The following DMC1 variants were observed in gnomAD, a reference collection of about 807,000 sequenced individuals.
The protein encoded by DMC1 is meiotic recombination protein DMC1 homolog.
Under a neutral mutation model 50.1 loss-of-function variants are expected in DMC1, and 27 were observed. That is an observed-to-expected ratio of 0.54 (90% CI 0.40 to 0.74). DMC1 has a LOEUF of 0.74. Among genes scored for constraint, DMC1 ranks in the 30% least tolerant of loss-of-function variants. The probability of loss-of-function intolerance (pLI) is 0.00; values close to 1 mark genes in which losing one functional copy is unlikely to be tolerated. For synonymous variants in DMC1, 148 were observed against 136.1 expected (o/e 1.09, Z -0.61); for missense variants, 295 against 420.2 (o/e 0.70, Z 2.60).
rs776256433 is a variant in DMC1, at chr22:38,552,711, T to C, written c.380-4A>G. 2.5e-6 allele frequency: 4 copies of C among 1,577,416 alleles called. No homozygotes were observed. In the East Asian group the frequency reaches 6.7e-5, roughly 26 times the overall value. On this transcript the variant is annotated splice_polypyrimidine_tract_variant and splice_region_variant and intron_variant, in intron 6 of 13. Coordinates refer to ENST00000216024, the MANE Select transcript of DMC1 (RefSeq NM_007068.4). ...TGGGTTTTTCCAGTACGAAATTCTG[T>C]GAAATACAGAAAAAAATGATTTTAA...
At chr22:38,545,576 T>C (rs2090334485) in intron 8 of DMC1, among the ~76,000 whole-genome samples, 1 of 152,072 alleles carries the variant, frequency 6.6e-6, no homozygotes, top group Admixed American at 6.6e-5. Context: ...TGCCCACCAC[T>C]GCGCCTGGCT....
the DMC1 span, among the ~76,000 whole-genome samples, chr22:38,510,271 T>A: frequency 6.6e-6 from 1 of 152,066 alleles, no homozygotes; most frequent in Non-Finnish European, 1.5e-5. Context: ...CTGGCCAACA[T>A]GGTGAAACCC....
intron 12 of DMC1, among the ~76,000 whole-genome samples, chr22:38,524,333 G>C (rs1260056478): frequency 2.0e-5 from 3 of 152,134 alleles, no homozygotes; most frequent in Non-Finnish European, 4.4e-5. Flanking sequence ...AGAATCACTT[G>C]AACCCAGGAG....
chr22:38,539,191 T>C, intron 9 of DMC1, 130 bp downstream of exon 9: 2 of 689,290 alleles, frequency 2.9e-6, no homozygotes. Flanking sequence ...ATAAAATTTA[T>C]AGACTGAGTA....
chr22:38,567,239 G>A (rs1267758150), intron 3 of DMC1, among the ~76,000 whole-genome samples: 1 of 152,130 alleles, frequency 6.6e-6, no homozygotes, highest in Admixed American at 6.5e-5. Flanking sequence ...AACAGATAAT[G>A]TCAGCACAGT....
downstream of DMC1, among the ~76,000 whole-genome samples, chr22:38,514,246 CTTTTTTTTTTTTTTTT>C (rs142872124): frequency 1.4e-5 from 1 of 71,334 alleles, no homozygotes; most frequent in African/African-American, 5.8e-5. Flanking sequence ...GTTAGGTATT[CTTTTTTTTTTTTTTTT>C]TTTTTTTTTT....
chr22:38,563,787 C>G (rs1198790336), intron 4 of DMC1, among the ~76,000 whole-genome samples: 1 of 151,928 alleles, frequency 6.6e-6, no homozygotes, highest in Non-Finnish European at 1.5e-5. Flanking sequence ...GCAAGCTCCA[C>G]CTCCTGGGTT....
In DMC1 at chr22:38,522,765, C is replaced by G. The variant is rs146636657; in HGVS notation, c.837-1041G>C. Among the ~76,000 whole-genome samples, 457 of 152,258 alleles carry G rather than the reference C, an allele frequency of 3.0e-3. 4 individuals are homozygous for G. The Middle Eastern group carries it at 0.051, about 17-fold the overall frequency. Reference sequence around the variant, plus strand: ...AAGTGTTCATGATTCTGGTTTTACTCTAAGCTTCAGGCTTGGTATAGCAAG... The same window carrying G: ...AAGTGTTCATGATTCTGGTTTTACTGTAAGCTTCAGGCTTGGTATAGCAAG... On this transcript the variant is annotated intron_variant, in intron 12 of 13. Coordinates refer to ENST00000216024, the MANE Select transcript of DMC1 (RefSeq NM_007068.4).
At position 38,566,698 on chromosome 22, in the gene DMC1, G is replaced by A; in HGVS notation, c.135C>T (p.Ile45=). The A allele has an allele frequency of 6.2e-7, 1 of 1,613,906 alleles. No individual in the cohort carries two copies. The highest frequency in any genetic ancestry group is 1.1e-5 in the South Asian group (1 of 91,074). Residue 45 remains isoleucine (I), a synonymous_variant, in exon 4 of 14, where the codon ATC becomes ATT. Transcript: ENST00000216024. Reference sequence around the variant, plus strand: ...TCATCTGTATACCTTTGATGGTACAGATTCCTACTGATTTCAGTTTCTTAA... The same window carrying A: ...TCATCTGTATACCTTTGATGGTACAAATTCCTACTGATTTCAGTTTCTTAA... ...ADIKKLKSVG[I]CTIKGIQMTT...
intron 12 of DMC1, among the ~76,000 whole-genome samples, chr22:38,524,630 T>C (rs908932717): frequency 1.3e-5 from 2 of 152,016 alleles, no homozygotes; most frequent in African/African-American, 2.4e-5. Flanking sequence ...CACACATTAC[T>C]CCCTCTGAAA....
At chr22:38,568,312 G>A in intron 1 of DMC1, 23 bp from the exon 2 acceptor site, 3 of 1,553,224 alleles carry the variant, frequency 1.9e-6, no homozygotes, top group Non-Finnish European at 1.8e-6. Flanking sequence ...GAAATATTAT[G>A]TAAGAAGTAG....
chr22:38,518,100 G>A (rs568221264), downstream of DMC1, among the ~76,000 whole-genome samples: 4 of 152,100 alleles, frequency 2.6e-5, no homozygotes, highest in South Asian at 4.1e-4. Context: ...AGCCTCCTGA[G>A]TAGCTGGGAT....
chr22:38,537,476 T>C, intron 12 of DMC1, 116 bp downstream of exon 12: 1 of 908,342 alleles, frequency 1.1e-6, no homozygotes. Context: ...CCTGCTAAAG[T>C]GCTGGAATTA....
intron 12 of DMC1, among the ~76,000 whole-genome samples, chr22:38,527,212 A>C (rs1467571138): frequency 2.0e-5 from 3 of 146,436 alleles, no homozygotes; most frequent in African/African-American, 7.5e-5. Flanking sequence ...TTCTTCTTTT[A>C]TTTTTTTTTT....
At chr22:38,543,549 A>T (rs1222433436) in intron 8 of DMC1, among the ~76,000 whole-genome samples, 3 of 152,074 alleles carry the variant, frequency 2.0e-5, no homozygotes, top group African/African-American at 7.2e-5. Context: ...TGTTAAGTAC[A>T]ATGAGTTTTG....
At chr22:38,518,238 C>A (rs2089989829), downstream of DMC1, among the ~76,000 whole-genome samples, 1 of 152,228 alleles carries the variant, frequency 6.6e-6, no homozygotes, top group Non-Finnish European at 1.5e-5. Flanking sequence ...TCTCAAAGTG[C>A]TGGGATTACT....
chr22:38,536,175 C>T (rs1006788502), intron 12 of DMC1, among the ~76,000 whole-genome samples: 1 of 151,430 alleles, frequency 6.6e-6, no homozygotes, highest in Non-Finnish European at 1.5e-5. Context: ...GAGATGGTGC[C>T]ACTGCATTGC....
chr22:38,550,717 G>T (rs1025236543), intron 7 of DMC1, among the ~76,000 whole-genome samples: 1 of 150,674 alleles, frequency 6.6e-6, no homozygotes, highest in African/African-American at 2.4e-5. Flanking sequence ...GATCATTTGA[G>T]GTCAAGGGTT....
chr22:38,568,505 A>G, intron 1 of DMC1: 1 of 544,602 alleles, frequency 1.8e-6, no homozygotes, highest in Non-Finnish European at 3.3e-6. Flanking sequence ...ATGCACACAG[A>G]TGCCTGAGGG....
Sources: gnomAD v4.1 joint callset for allele counts (sites outside exome capture counted in the v4.1 genomes callset) on GRCh38, gnomAD v4.1.1 for gene constraint, MANE v1.5 for transcripts, NCBI Gene and HGNC (gene_info 2026-07-23, HGNC 2026-07-21) for gene names.